Variants in ADCY8 observed in about 807,000 individuals in gnomAD.
ADCY8 encodes adenylate cyclase type 8.
A neutral mutation model predicts 119.7 loss-of-function variants in ADCY8; 51 were observed. The observed-to-expected ratio is 0.43, with a 90% CI of 0.34 to 0.54. The LOEUF is 0.54. ADCY8 is among the 20% of genes least tolerant of loss of function. The pLI is 0.03. For missense variants in ADCY8, 1,383 were observed against 1,598.8 expected (o/e 0.87, Z 2.30); for synonymous variants, 665 against 651.0 (o/e 1.02, Z -0.33).
intron 12 of ADCY8, among the ~76,000 whole-genome samples, chr8:130,824,797 T>A (rs1268004190): frequency 3.3e-5 from 5 of 152,198 alleles, no homozygotes; most frequent in Non-Finnish European, 5.9e-5. Flanking sequence ...AATTTTTTTT[T>A]AGAGAATTTC....
At chr8:130,876,902 G>C (rs1185269230) in intron 8 of ADCY8, among the ~76,000 whole-genome samples, 1 of 152,100 alleles carries the variant, frequency 6.6e-6, no homozygotes, top group Non-Finnish European at 1.5e-5. Flanking sequence ...GATTTTTCAA[G>C]GTGTGGCAGA....
At position 131,039,561 on chromosome 8, in the gene ADCY8, A is replaced by G. The variant is rs1464882013; in HGVS notation, c.773T>C (p.Leu258Pro). 6.2e-7 allele frequency: 1 copy of G among 1,613,870 alleles called. No individual in the cohort carries two copies. The highest frequency in any genetic ancestry group is 1.1e-5 in the South Asian group (1 of 91,082). The change falls in exon 1 of 18, where the codon CTG (leucine) becomes CCG (proline). Residue 258 changes from leucine (L) to proline (P), a missense_variant. Physicochemically the swap from Leu to Pro is moderately conservative, Grantham distance 98. Around this residue, in one of 2 missense-constraint regions of ADCY8, gnomAD observed 455 missense variants for 435.3 expected, o/e 1.05. Transcript: ENST00000286355. ...VTWVAMTTQILAAGLGYGLLG... is the reference protein window; with the variant it reads ...VTWVAMTTQIPAAGLGYGLLG... The stretch of plus-strand genomic sequence containing the variant: ...GAGCCCGTAGCCGAGGCCTGCTGCC[A>G]GGATCTGGGTGGTCATGGCCACCCA...
intron 2 of ADCY8, among the ~76,000 whole-genome samples, chr8:130,964,104 G>A (rs938907966): frequency 4.6e-5 from 7 of 152,164 alleles, no homozygotes. Context: ...CGTACGTCAT[G>A]TAGACCTGCA....
At chr8:130,830,306 A>G (rs749736912) in intron 12 of ADCY8, among the ~76,000 whole-genome samples, 14 of 152,176 alleles carry the variant, frequency 9.2e-5, no homozygotes, top group Non-Finnish European at 1.9e-4. Flanking sequence ...CCACGTGTAC[A>G]GTAAGGAGCA....
At chr8:130,793,890 A>T (rs1010644139) in intron 15 of ADCY8, among the ~76,000 whole-genome samples, 1 of 152,242 alleles carries the variant, frequency 6.6e-6, no homozygotes, top group Non-Finnish European at 1.5e-5. Flanking sequence ...TCAAAAATTC[A>T]TGTCCTCACA....
chr8:130,990,654 T>C, intron 1 of ADCY8, 112 bp from the exon 2 acceptor site: 1 of 1,356,720 alleles, frequency 7.4e-7, no homozygotes, highest in Non-Finnish European at 1.0e-6. Flanking sequence ...TAGTAATCCA[T>C]ATGTTTAATC....
intron 9 of ADCY8, among the ~76,000 whole-genome samples, chr8:130,867,193 G>C (rs1456517907): frequency 6.6e-6 from 1 of 152,174 alleles, no homozygotes; most frequent in Non-Finnish European, 1.5e-5. Flanking sequence ...ATCCTGGCTA[G>C]AGCATCTATA....
intron 15 of ADCY8, among the ~76,000 whole-genome samples, chr8:130,799,369 T>C (rs977543693): frequency 3.3e-5 from 5 of 152,222 alleles, no homozygotes; most frequent in Non-Finnish European, 5.9e-5. Context: ...TGTACACATA[T>C]ATCAAAACAT....
chr8:130,925,179 C>T (rs1011948508), intron 5 of ADCY8, among the ~76,000 whole-genome samples: 26 of 151,918 alleles, frequency 1.7e-4, no homozygotes, highest in Non-Finnish European at 3.8e-4. Flanking sequence ...CACTCCAGCC[C>T]GGGTGAGCAG....
intron 7 of ADCY8, among the ~76,000 whole-genome samples, chr8:130,889,738 C>T (rs7011483): frequency 0.72 from 108,726 of 152,040 alleles, 39,258 homozygotes; most frequent in African/African-American, 0.81. Context: ...GCCTTGTGGG[C>T]ACTACTTCAC....
At chr8:130,935,096 T>C (rs561746342) in intron 5 of ADCY8, among the ~76,000 whole-genome samples, 39 of 152,180 alleles carry the variant, frequency 2.6e-4, no homozygotes, top group African/African-American at 9.2e-4. Context: ...TTTCCAGAGG[T>C]AGGCTGCTGT....
chr8:130,988,693 T>G (rs1822479775), intron 2 of ADCY8, among the ~76,000 whole-genome samples: 1 of 152,156 alleles, frequency 6.6e-6, no homozygotes, highest in African/African-American at 2.4e-5. Flanking sequence ...TCTTCCTCCT[T>G]CTGCAAACTT....
intron 17 of ADCY8, among the ~76,000 whole-genome samples, chr8:130,781,097 A>G (rs1315009509): frequency 2.0e-5 from 3 of 152,206 alleles, no homozygotes; most frequent in Non-Finnish European, 4.4e-5. Flanking sequence ...AAATAATTAA[A>G]GGCAGATTTA....
intron 7 of ADCY8, among the ~76,000 whole-genome samples, chr8:130,895,247 C>G (rs192474506): frequency 5.8e-4 from 88 of 152,170 alleles, no homozygotes; most frequent in Middle Eastern, 3.4e-3. Context: ...TTTATGACTC[C>G]CCAAACAATG....
At chr8:131,013,016 C>A (rs1297966195) in intron 1 of ADCY8, among the ~76,000 whole-genome samples, 1 of 152,120 alleles carries the variant, frequency 6.6e-6, no homozygotes, top group Non-Finnish European at 1.5e-5. Context: ...TCAAATAAAC[C>A]TAATCAATGG....
chr8:130,983,710 T>A (rs1324734062), intron 2 of ADCY8, among the ~76,000 whole-genome samples: 1 of 152,042 alleles, frequency 6.6e-6, no homozygotes, highest in Non-Finnish European at 1.5e-5. Context: ...TAGTGTGAGG[T>A]CTTATATAAT....
intron 15 of ADCY8, among the ~76,000 whole-genome samples, chr8:130,799,306 G>T (rs1457296755): frequency 6.6e-6 from 1 of 152,182 alleles, no homozygotes; most frequent in Admixed American, 6.5e-5. Context: ...CAAAAACGTT[G>T]TAAGATGTGA....
chr8:130,972,819 G>A (rs995401878), intron 2 of ADCY8, among the ~76,000 whole-genome samples: 2 of 142,520 alleles, frequency 1.4e-5, no homozygotes, highest in African/African-American at 5.3e-5. Context: ...TTTTCTAGCT[G>A]AGTGACCTTC....
At chr8:130,868,424 C>G (rs758649583) in intron 8 of ADCY8, among the ~76,000 whole-genome samples, 1 of 152,180 alleles carries the variant, frequency 6.6e-6, no homozygotes, top group Non-Finnish European at 1.5e-5. Flanking sequence ...AGATCTCCAG[C>G]TAGTGTAGCC....
Sources: gnomAD v4.1 joint callset for allele counts (sites outside exome capture counted in the v4.1 genomes callset) on GRCh38, gnomAD v4.1.1 for gene constraint, gnomAD v4.1.1 regional missense constraint, MANE v1.5 for transcripts, NCBI Gene and HGNC (gene_info 2026-07-23, HGNC 2026-07-21) for gene names.